The following PTPRN2 variants were observed in gnomAD, a reference collection of about 807,000 sequenced individuals.
PTPRN2 encodes receptor-type tyrosine-protein phosphatase N2.
Under a neutral mutation model 118.8 loss-of-function variants are expected in PTPRN2, and 74 were observed. That is an observed-to-expected ratio of 0.62 (90% CI 0.52 to 0.76). PTPRN2 has a LOEUF of 0.76. PTPRN2 is among the 30% of genes least tolerant of loss of function. PTPRN2 has a pLI of 0.00. For missense variants in PTPRN2, 1,481 were observed against 1,394.4 expected, an observed-to-expected ratio of 1.06 and a Z score of -0.99; for synonymous variants, 641 against 608.0, an observed-to-expected ratio of 1.05 and a Z score of -0.80.
intron 15 of PTPRN2, among the ~76,000 whole-genome samples, chr7:157,608,411 C>T (rs1202708328): frequency 4.6e-5 from 7 of 152,078 alleles, no homozygotes; most frequent in African/African-American, 7.2e-5. Flanking sequence ...TTGGAACCTC[C>T]GGGAAATGCT....
In PTPRN2 at chr7:158,071,367, A is replaced by C. The variant is rs111219820; in HGVS notation, c.1723+9931T>G. On this transcript the variant is annotated intron_variant, in intron 11 of 22. Transcript: ENST00000389418. Reference sequence around the variant, plus strand: ...GGTGCTCGTGGTGGTGGAGGTGCTCATGGTGGTGGAGGTGCTCGTGGTGGA... The same window carrying C: ...GGTGCTCGTGGTGGTGGAGGTGCTCCTGGTGGTGGAGGTGCTCGTGGTGGA... Among the ~76,000 whole-genome samples the C allele has an allele frequency of 4.8e-3, 194 of 40,552 alleles. 10 individuals are homozygous for C. Among genetic ancestry groups the C allele is most frequent in the Non-Finnish European group, 5.0e-3 (115 of 23,170 alleles). 26.6% of individuals were successfully genotyped at this position (40,552 alleles called of 152,430 possible). A position where few individuals can be genotyped will look rare whatever the true frequency, so the allele number is the denominator to read the frequency against.
intron 5 of PTPRN2, among the ~76,000 whole-genome samples, chr7:158,176,096 G>A (rs1824181162): frequency 6.6e-6 from 1 of 152,114 alleles, no homozygotes; most frequent in Non-Finnish European, 1.5e-5. Context: ...TCTTCCTTCT[G>A]TCACTCTTCT....
intron 2 of PTPRN2, among the ~76,000 whole-genome samples, chr7:158,487,700 C>G (rs1282557393): frequency 1.3e-5 from 2 of 152,148 alleles, no homozygotes; most frequent in East Asian, 3.9e-4. Flanking sequence ...GGCTGCCGCA[C>G]CCCTGGCCCG....
At position 158,186,761 on chromosome 7, in the gene PTPRN2, C is replaced by T. The variant is rs142050404; in HGVS notation, c.549+5566G>A. On this transcript the variant is annotated intron_variant, in intron 5 of 22. Coordinates refer to ENST00000389418, the MANE Select transcript of PTPRN2 (RefSeq NM_002847.5). ...TTTACTTTCTGTGTTCCCTCCATCA[C>T]AGCACTTGCTTTAATTTTTTAATTA... Among the ~76,000 whole-genome samples, 402 of 152,402 alleles carry T rather than the reference C, an allele frequency of 2.6e-3. 1 individual carries two copies. Among genetic ancestry groups the T allele is most frequent in the African/African-American group, 8.9e-3 (371 of 41,606 alleles).
At chr7:158,385,352 A>G (rs1811256468) in intron 2 of PTPRN2, among the ~76,000 whole-genome samples, 1 of 152,202 alleles carries the variant, frequency 6.6e-6, no homozygotes, top group Admixed American at 6.5e-5. Context: ...CTCTGATGAC[A>G]TTTCAGATTT....
intron 3 of PTPRN2, among the ~76,000 whole-genome samples, chr7:158,294,340 T>C (rs1044486230): frequency 6.6e-6 from 1 of 152,140 alleles, no homozygotes; most frequent in Non-Finnish European, 1.5e-5. Context: ...TACATAAAAA[T>C]AAGAAGGATT....
chr7:158,497,223 C>A lies in PTPRN2; in HGVS notation c.113-7438G>T, dbSNP rs533831367. On this transcript the variant is annotated intron_variant, in intron 1 of 22. Coordinates refer to ENST00000389418, the MANE Select transcript of PTPRN2 (RefSeq NM_002847.5). Reference sequence around the variant, plus strand: ...CCCTGTGCCCCTTCCTTGTTCCCTGCGCCCCTCCCCCTTCCCTGGGCTGCC... The same window carrying A: ...CCCTGTGCCCCTTCCTTGTTCCCTGAGCCCCTCCCCCTTCCCTGGGCTGCC... 2.7e-4 allele frequency among the ~76,000 whole-genome samples: 28 copies of A among 103,618 alleles called. No homozygotes were observed. In the East Asian group the frequency reaches 7.5e-3, roughly 28 times the overall value. 68.0% of individuals were successfully genotyped at this position (103,618 alleles called of 152,430 possible).
At chr7:157,998,081 T>TGCAGGGTGCGGGGAGAGGAGG (rs1804915441) in intron 11 of PTPRN2, among the ~76,000 whole-genome samples, 1 of 11,888 alleles carries the variant, frequency 8.4e-5, no homozygotes, top group Non-Finnish European at 1.6e-4. Context: ...GGGAGAGGAG[T>TGCAGGGTGCGGGGAGAGGAGG]GCAGGGGAGA....
chr7:158,071,384 C>CGTG (rs145893959), intron 11 of PTPRN2, among the ~76,000 whole-genome samples: 4,883 of 27,306 alleles, frequency 0.18, 651 homozygotes, highest in East Asian at 0.41. Flanking sequence ...TGGAGGTGCT[C>CGTG]GTGGTGGAGG....
intron 11 of PTPRN2, among the ~76,000 whole-genome samples, chr7:157,997,733 G>A (rs1306376091): frequency 6.6e-6 from 1 of 150,882 alleles, no homozygotes; most frequent in Non-Finnish European, 1.5e-5. Context: ...AGACCAGTGG[G>A]TCATAGGGAC....
chr7:158,060,739 A>G (rs983679190), intron 11 of PTPRN2, among the ~76,000 whole-genome samples: 1 of 152,206 alleles, frequency 6.6e-6, no homozygotes, highest in Non-Finnish European at 1.5e-5. Flanking sequence ...TGCTAGAGAC[A>G]TTGCATTCAT....
chr7:158,416,710 A>C lies in PTPRN2; in HGVS notation c.163+73025T>G, dbSNP rs111982519. On this transcript the variant is annotated intron_variant, in intron 2 of 22. Transcript: ENST00000389418. The stretch of plus-strand genomic sequence containing the variant: ...CAGGAAACAGACAGCCTGCTGGGAA[A>C]CATAGACTGGCTACCATGTGGGACA... Among the ~76,000 whole-genome samples the C allele has an allele frequency of 5.2e-3, 785 of 152,370 alleles. 5 individuals carry two copies. Among genetic ancestry groups the C allele is most frequent in the Non-Finnish European group, 8.2e-3 (560 of 68,036 alleles).
intron 14 of PTPRN2, among the ~76,000 whole-genome samples, chr7:157,647,252 C>T (rs1350739874): frequency 3.2e-5 from 1 of 31,506 alleles, no homozygotes. Flanking sequence ...ACCCATCCAG[C>T]GTGCACTGAA....
intron 11 of PTPRN2, among the ~76,000 whole-genome samples, chr7:158,001,673 G>A (rs1280475122): frequency 6.6e-6 from 1 of 152,192 alleles, no homozygotes; most frequent in East Asian, 1.9e-4. Context: ...GGACCGCCCT[G>A]TCATGATGCC....
chr7:158,478,983 A>C (rs1335862431), intron 2 of PTPRN2, among the ~76,000 whole-genome samples: 2 of 152,080 alleles, frequency 1.3e-5, no homozygotes, highest in Non-Finnish European at 2.9e-5. Flanking sequence ...ACATCTAACA[A>C]TACCCACATT....
intron 2 of PTPRN2, among the ~76,000 whole-genome samples, chr7:158,451,526 C>T (rs116813445): frequency 0.018 from 2,800 of 152,278 alleles, 77 homozygotes; most frequent in African/African-American, 0.054. Context: ...GAAAGAAATT[C>T]GGTCCAGGTT....
chr7:157,843,637 G>T (rs541567529), intron 12 of PTPRN2, among the ~76,000 whole-genome samples: 1 of 152,198 alleles, frequency 6.6e-6, no homozygotes, highest in South Asian at 2.1e-4. Context: ...GCCCAGAGCC[G>T]CTCATTGAGT....
At chr7:158,193,402 A>G (rs1825935575) in intron 4 of PTPRN2, among the ~76,000 whole-genome samples, 1 of 152,146 alleles carries the variant, frequency 6.6e-6, no homozygotes, top group African/African-American at 2.4e-5. Context: ...GTGCAGCCAC[A>G]CGGAAAGGAA....
At chr7:157,759,416 C>T (rs943289040) in intron 12 of PTPRN2, among the ~76,000 whole-genome samples, 1 of 152,212 alleles carries the variant, frequency 6.6e-6, no homozygotes, top group Middle Eastern at 3.2e-3. Flanking sequence ...GTGGGAGAAC[C>T]CGAGGTGGAC....
Sources: allele counts gnomAD v4.1 joint callset (sites outside exome capture counted in the v4.1 genomes callset), GRCh38; gene constraint gnomAD v4.1.1; transcripts MANE v1.5; gene names NCBI Gene and HGNC (gene_info 2026-07-23, HGNC 2026-07-21).